PCCA: variants seen among roughly 807,000 people sequenced by gnomAD.
PCCA encodes propionyl-CoA carboxylase alpha chain, mitochondrial.
PCCA carries 74 observed loss-of-function variants against 101.3 expected under a neutral mutation model. The observed-to-expected ratio is 0.73, with a 90% CI of 0.61 to 0.89. The LOEUF is 0.89. Among genes scored for constraint, PCCA ranks in the 40% least tolerant of loss-of-function variants. The pLI, the probability that PCCA is intolerant of heterozygous loss-of-function variation, is 0.00. For missense variants in PCCA, 891 were observed against 907.0 expected (o/e 0.98, Z 0.23); for synonymous variants, 294 against 313.6 (o/e 0.94, Z 0.66).
chr13:100,359,857 C>G (rs530175389), intron 18 of PCCA, among the ~76,000 whole-genome samples: 2 of 152,304 alleles, frequency 1.3e-5, no homozygotes, highest in East Asian at 3.9e-4. Context: ...TAAGATGTCA[C>G]TTCTCTCTAC....
At chr13:100,267,907 A>G (rs755796300) in intron 10 of PCCA, among the ~76,000 whole-genome samples, 6 of 152,168 alleles carry the variant, frequency 3.9e-5, no homozygotes, top group African/African-American at 7.2e-5. Flanking sequence ...TTATCTGGCA[A>G]TCTCAGCTTA....
intron 21 of PCCA, among the ~76,000 whole-genome samples, chr13:100,463,086 C>T (rs568688539): frequency 9.2e-5 from 14 of 152,118 alleles, no homozygotes; most frequent in South Asian, 4.1e-4. Flanking sequence ...AGAAAGAGGA[C>T]GGAATGAAAT....
chr13:100,406,005 T>C (rs1185462748), intron 19 of PCCA, among the ~76,000 whole-genome samples: 2 of 152,006 alleles, frequency 1.3e-5, no homozygotes, highest in Non-Finnish European at 2.9e-5. Context: ...GACCTCGTGA[T>C]CCACCCGCCT....
chr13:100,188,648 T>C (rs1275931239), intron 6 of PCCA, among the ~76,000 whole-genome samples: 1 of 152,250 alleles, frequency 6.6e-6, no homozygotes, highest in Non-Finnish European at 1.5e-5. Flanking sequence ...TTTTCCATAG[T>C]GGTTGTACTA....
intron 4 of PCCA, among the ~76,000 whole-genome samples, chr13:100,125,650 A>C (rs181965321): frequency 1.3e-5 from 2 of 152,366 alleles, no homozygotes; most frequent in East Asian, 3.9e-4. Context: ...CTTTTCATTA[A>C]AGAACTAACC....
intron 21 of PCCA, among the ~76,000 whole-genome samples, chr13:100,506,400 G>A (rs1484737583): frequency 6.8e-6 from 1 of 147,604 alleles, no homozygotes. Context: ...CGGGGGCGGC[G>A]GGGGTTTCAG....
chr13:100,336,072 G>T (rs1049884133), intron 17 of PCCA, among the ~76,000 whole-genome samples: 3 of 152,112 alleles, frequency 2.0e-5, no homozygotes, highest in African/African-American at 7.2e-5. Flanking sequence ...AGACCAGCCT[G>T]ACTAATGTGG....
At chr13:100,512,706 T>C (rs2086573012) in intron 21 of PCCA, among the ~76,000 whole-genome samples, 1 of 152,220 alleles carries the variant, frequency 6.6e-6, no homozygotes, top group Non-Finnish European at 1.5e-5. Context: ...TACTACTCTG[T>C]CCTGTCCACA....
At chr13:100,113,823 C>T (rs1399056633) in intron 4 of PCCA, among the ~76,000 whole-genome samples, 4 of 152,150 alleles carry the variant, frequency 2.6e-5, no homozygotes, top group African/African-American at 9.7e-5. Flanking sequence ...AGGTAATCCA[C>T]CTGCTTTGGC....
At chr13:100,200,145 C>A (rs1187205102) in intron 6 of PCCA, among the ~76,000 whole-genome samples, 2 of 152,092 alleles carry the variant, frequency 1.3e-5, no homozygotes, top group African/African-American at 4.8e-5. Flanking sequence ...CACTCTGTCA[C>A]CCAGGCTGGA....
intron 16 of PCCA, among the ~76,000 whole-genome samples, chr13:100,310,344 T>C (rs2066813946): frequency 6.6e-6 from 1 of 152,220 alleles, no homozygotes; most frequent in African/African-American, 2.4e-5. Context: ...TTAAAGTATT[T>C]GTAAGCACAT....
chr13:100,321,432 T>C (rs2068018039), intron 16 of PCCA, among the ~76,000 whole-genome samples: 1 of 152,164 alleles, frequency 6.6e-6, no homozygotes, highest in Admixed American at 6.5e-5. Flanking sequence ...TATATTGATG[T>C]CATTAGAAAT....
intron 18 of PCCA, among the ~76,000 whole-genome samples, chr13:100,340,909 A>G (rs1435520308): frequency 6.6e-6 from 1 of 152,104 alleles, no homozygotes; most frequent in Non-Finnish European, 1.5e-5. Context: ...TTACTTTTTC[A>G]CAAGAGGAAG....
intron 21 of PCCA, among the ~76,000 whole-genome samples, chr13:100,468,146 G>A (rs2082686135): frequency 6.6e-6 from 1 of 152,166 alleles, no homozygotes; most frequent in Non-Finnish European, 1.5e-5. Context: ...TTTCTGAGCA[G>A]TAGGTCTCCA....
intron 21 of PCCA, among the ~76,000 whole-genome samples, chr13:100,488,299 G>A (rs1004557062): frequency 2.0e-5 from 3 of 152,040 alleles, no homozygotes; most frequent in African/African-American, 7.2e-5. Context: ...CTCCATGTTG[G>A]TTGGGCTGGT....
At chr13:100,284,583 G>A (rs1399565764) in intron 12 of PCCA, among the ~76,000 whole-genome samples, 1 of 152,236 alleles carries the variant, frequency 6.6e-6, no homozygotes, top group East Asian at 1.9e-4. Flanking sequence ...TACAAAAACT[G>A]AACGGTCAGT....
intron 22 of PCCA, among the ~76,000 whole-genome samples, chr13:100,523,032 CTTCTTTTTCTTCCTGCACT>C (rs2087435735): frequency 2.0e-5 from 3 of 152,326 alleles, no homozygotes; most frequent in South Asian, 4.1e-4. Flanking sequence ...CCCCCGTTCT[CTTCTTTTTCTTCCTGCACT>C]TTCTTTGAGC....
intron 6 of PCCA, among the ~76,000 whole-genome samples, chr13:100,179,593 G>A (rs1284724514): frequency 6.6e-6 from 1 of 152,068 alleles, no homozygotes; most frequent in Non-Finnish European, 1.5e-5. Context: ...TCCTTAAATT[G>A]TTTAAATTAC....
chr13:100,237,102 G>A (rs1041027328), intron 8 of PCCA: 2 of 152,174 alleles, frequency 1.3e-5, no homozygotes, highest in African/African-American at 4.8e-5. Flanking sequence ...ATTTGATTTG[G>A]CAAAGCTCAT....
Sources: allele counts gnomAD v4.1 joint callset (sites outside exome capture counted in the v4.1 genomes callset), GRCh38; gene constraint gnomAD v4.1.1; transcripts MANE v1.5; gene names NCBI Gene and HGNC (gene_info 2026-07-23, HGNC 2026-07-21).